VSTM4: variants seen among roughly 807,000 people sequenced by gnomAD.
VSTM4 encodes V-set and transmembrane domain containing 4, also known as V-set and transmembrane domain-containing protein 4.
Under a neutral mutation model 36.4 loss-of-function variants are expected in VSTM4, and 20 were observed. That is an observed-to-expected ratio of 0.55 (90% CI 0.39 to 0.80). The LOEUF is 0.80. VSTM4 is among the 30% of genes least tolerant of loss of function. The probability of loss-of-function intolerance (pLI) is 0.00; values close to 1 mark genes in which losing one functional copy is unlikely to be tolerated. For missense variants in VSTM4, 392 were observed against 404.5 expected, an observed-to-expected ratio of 0.97 and a Z score of 0.26; for synonymous variants, 182 against 173.9, an observed-to-expected ratio of 1.05 and a Z score of -0.37.
intron 1 of VSTM4, 58 bp downstream of exon 1, chr10:49,115,373 C>A: frequency 1.0e-6 from 1 of 992,918 alleles, no homozygotes; most frequent in Non-Finnish European, 1.2e-6. Context: ...CCCGGCCTCC[C>A]CGGCGCGGCC....
intron 3 of VSTM4, among the ~76,000 whole-genome samples, chr10:49,084,648 A>T (rs1470383160): frequency 6.6e-6 from 1 of 152,216 alleles, no homozygotes; most frequent in African/African-American, 2.4e-5. Context: ...TGGCTAGATC[A>T]TTCCTCATCA....
chr10:49,043,006 G>C (rs931453164), intron 7 of VSTM4, among the ~76,000 whole-genome samples: 10 of 152,196 alleles, frequency 6.6e-5, no homozygotes, highest in Non-Finnish European at 1.0e-4. Flanking sequence ...ACAGGAACAT[G>C]CTTGGTATAT....
At chr10:49,029,137 T>C (rs1293666899) in intron 7 of VSTM4, among the ~76,000 whole-genome samples, 1 of 152,228 alleles carries the variant, frequency 6.6e-6, no homozygotes. Context: ...GTCTCCATAG[T>C]ACCCAACTCA....
intron 2 of VSTM4, among the ~76,000 whole-genome samples, chr10:49,107,163 G>C (rs1292753456): frequency 1.3e-5 from 2 of 152,150 alleles, no homozygotes; most frequent in Non-Finnish European, 2.9e-5. Context: ...AAAACAACCA[G>C]TCATGTCTGC....
chr10:49,020,724 A>G (rs867206793), intron 7 of VSTM4, among the ~76,000 whole-genome samples: 3 of 122,952 alleles, frequency 2.4e-5, no homozygotes, highest in Admixed American at 8.8e-5. Context: ...AAGGAAGGAA[A>G]GAAGAAGGAA....
chr10:49,051,353 C>T (rs1314604826), intron 5 of VSTM4, among the ~76,000 whole-genome samples: 1 of 151,428 alleles, frequency 6.6e-6, no homozygotes, highest in Non-Finnish European at 1.5e-5. Context: ...TGCAATTACC[C>T]TTCCTCCGTG....
At chr10:49,071,971 T>C (rs1031493951) in intron 4 of VSTM4, among the ~76,000 whole-genome samples, 1 of 152,250 alleles carries the variant, frequency 6.6e-6, no homozygotes, top group Non-Finnish European at 1.5e-5. Context: ...ATAGATGTAC[T>C]ACTAATTTTA....
At chr10:49,060,746 C>T (rs1843863570) in intron 5 of VSTM4, among the ~76,000 whole-genome samples, 1 of 152,154 alleles carries the variant, frequency 6.6e-6, no homozygotes, top group South Asian at 2.1e-4. Flanking sequence ...TTGCCCAACC[C>T]AAGGTCACAA....
intron 2 of VSTM4, among the ~76,000 whole-genome samples, chr10:49,106,777 T>A (rs576132550): frequency 1.4e-4 from 21 of 152,294 alleles, no homozygotes; most frequent in Non-Finnish European, 2.2e-4. Context: ...TTAGCCAAAC[T>A]CCAGCCGGGC....
intron 7 of VSTM4, among the ~76,000 whole-genome samples, chr10:49,031,404 T>C (rs147983006): frequency 2.0e-5 from 3 of 152,338 alleles, no homozygotes; most frequent in South Asian, 4.1e-4. Flanking sequence ...CTTGAAAAAA[T>C]ACCTGGTAGG....
chr10:49,077,148 T>TCTAG (rs1223393371), intron 4 of VSTM4, 71 bp downstream of exon 4: 15 of 1,485,634 alleles, frequency 1.0e-5, no homozygotes, highest in African/African-American at 1.4e-5. Flanking sequence ...TGGTACTTTG[T>TCTAG]CTAGCATCTT....
At position 49,046,986 on chromosome 10, in the gene VSTM4, C is replaced by G; in HGVS notation, c.834G>C (p.Thr278=). 1 of 1,613,942 alleles carries G rather than the reference C, an allele frequency of 6.2e-7. No homozygotes were observed. The highest frequency in any genetic ancestry group is 2.2e-5 in the East Asian group (1 of 44,876). ...AATACAGAAGACGGTTACTTACCAG[C>G]GTGACTTTTCTCTGTGGTTTCAGCA... ...PKLLKPQRKV[T]LPKIAEENLT... is the part of the protein sequence containing the mutation. The change falls in exon 7 of 8, where the codon ACG becomes ACC. Residue 278 remains threonine, a synonymous_variant. Coordinates refer to ENST00000332853, the MANE Select transcript of VSTM4 (RefSeq NM_001031746.5).
chr10:49,084,866 C>T (rs529817200), intron 3 of VSTM4, among the ~76,000 whole-genome samples: 1 of 152,370 alleles, frequency 6.6e-6, no homozygotes, highest in African/African-American at 2.4e-5. Flanking sequence ...AACCTCAGCA[C>T]TCTGGATACT....
In VSTM4 at chr10:49,061,420, T is replaced by C. The variant is rs933794501; in HGVS notation, c.668+3283A>G. 5.9e-5 allele frequency among the ~76,000 whole-genome samples: 9 copies of C among 152,312 alleles called. No homozygotes were observed. The South Asian group carries it at 1.0e-3, about 18-fold the overall frequency. ...CCATTGGTTGATTGTGTTGTTTAGA[T>C]CTTCAATAACCATGCTAATTTTCTA... is the stretch of plus-strand genomic sequence containing the variant. On this transcript the variant is annotated intron_variant, in intron 5 of 7. Coordinates refer to ENST00000332853, the MANE Select transcript of VSTM4 (RefSeq NM_001031746.5).
chr10:49,110,053 T>C (rs1245025694), intron 1 of VSTM4, among the ~76,000 whole-genome samples: 1 of 151,984 alleles, frequency 6.6e-6, no homozygotes, highest in Non-Finnish European at 1.5e-5. Flanking sequence ...GCTGCTGGGG[T>C]TGGGCAGCCA....
intron 4 of VSTM4, among the ~76,000 whole-genome samples, chr10:49,068,260 C>G (rs1238628161): frequency 1.3e-5 from 2 of 151,986 alleles, no homozygotes; most frequent in Non-Finnish European, 1.5e-5. Context: ...TGAAGCCAAG[C>G]AGAGATGGTA....
intron 2 of VSTM4, among the ~76,000 whole-genome samples, chr10:49,097,279 T>C (rs1001951088): frequency 4.6e-5 from 7 of 152,176 alleles, no homozygotes; most frequent in African/African-American, 1.4e-4. Context: ...CCCTGCCCCA[T>C]GCCCACCGGG....
intron 3 of VSTM4, among the ~76,000 whole-genome samples, chr10:49,079,289 G>C (rs1434074713): frequency 6.6e-6 from 1 of 151,754 alleles, no homozygotes; most frequent in Non-Finnish European, 1.5e-5. Flanking sequence ...CTGCAGCCTT[G>C]AACTCCTGGG....
intron 4 of VSTM4, among the ~76,000 whole-genome samples, chr10:49,065,822 C>T (rs775461839): frequency 6.6e-6 from 1 of 152,076 alleles, no homozygotes; most frequent in Non-Finnish European, 1.5e-5. Context: ...TACGCAGCTT[C>T]CAAAGTAAGA....
Sources: gnomAD v4.1 joint callset for allele counts (sites outside exome capture counted in the v4.1 genomes callset) on GRCh38, gnomAD v4.1.1 for gene constraint, MANE v1.5 for transcripts, NCBI Gene and HGNC (gene_info 2026-07-23, HGNC 2026-07-21) for gene names.